The following KRT77 variants were observed in gnomAD, a reference collection of about 807,000 sequenced individuals.
KRT77 encodes keratin, type II cytoskeletal 1b.
A neutral mutation model predicts 51.5 loss-of-function variants in KRT77; 44 were observed. That is an observed-to-expected ratio of 0.85 (90% CI 0.67 to 1.10). The LOEUF is 1.10. Ranked by LOEUF, KRT77 falls within the 50% of genes least tolerant of loss-of-function variation. The pLI is 0.00. For synonymous variants in KRT77, 293 were observed against 302.0 expected, an observed-to-expected ratio of 0.97 and a Z score of 0.31; for missense variants, 763 against 743.9, an observed-to-expected ratio of 1.03 and a Z score of -0.30.
intron 2 of KRT77, 137 bp from the exon 3 acceptor site, chr12:52,696,567 G>T: frequency 1.4e-6 from 1 of 714,442 alleles, no homozygotes; most frequent in Non-Finnish European, 2.4e-6. Context: ...CAAGGTGCTG[G>T]CTGTCCATTC....
In KRT77 at chr12:52,697,615, A is replaced by G. The variant is rs953458550; in HGVS notation, c.758+67T>C. On this transcript the variant is annotated intron_variant, in intron 2 of 8. Coordinates refer to ENST00000341809, the MANE Select transcript of KRT77 (RefSeq NM_175078.3). ...CCTTACACACAAACACTGAAGCCGA[A>G]TGTCTTGCCCCTGTGACCAGTTTCC... 1.3e-5 allele frequency: 10 copies of G among 775,118 alleles called. No individual in the cohort carries two copies. The African/African-American group carries it at 1.8e-4, about 14-fold the overall frequency. The allele number at this position is 775,118 out of a possible 1,614,324, so 48.0% of individuals were successfully genotyped here. A position where few individuals can be genotyped will look rare whatever the true frequency, so the allele number is the denominator to read the frequency against.
intron 3 of KRT77, 120 bp from the exon 4 acceptor site, chr12:52,695,987 C>T: frequency 1.5e-6 from 1 of 689,462 alleles, no homozygotes; most frequent in South Asian, 1.7e-5. Flanking sequence ...TTAAAAAATT[C>T]ATCACCGCAC....
chr12:52,702,619 G>C (rs901164610), intron 1 of KRT77, among the ~76,000 whole-genome samples: 1 of 151,776 alleles, frequency 6.6e-6, no homozygotes, highest in Non-Finnish European at 1.5e-5. Context: ...GGGTGGATGG[G>C]TGGATGGAAA....
rs182027264 is a variant in KRT77, at chr12:52,697,825, T to A, written c.615A>T (p.Ser205=). The A allele has an allele frequency of 8.1e-6, 13 of 1,614,068 alleles. No homozygotes were observed. The East Asian group carries it at 2.7e-4, about 33-fold the overall frequency. ...GGGGCTCCAGGTTGTTGGTTCCAGT[T>A]GAGGTGTTCACCTGCTGCAGCAACT... ...KWELLQQVNT[S]TGTNNLEPLL... is the part of the protein sequence containing the mutation. The change falls in exon 2 of 9, where the codon TCA becomes TCT. Residue 205 remains serine (S), a synonymous_variant. Coordinates refer to ENST00000341809, the MANE Select transcript of KRT77 (RefSeq NM_175078.3).
intron 8 of KRT77, 63 bp from the exon 9 acceptor site, chr12:52,691,502 G>GT: frequency 2.7e-6 from 4 of 1,488,224 alleles, no homozygotes; most frequent in Non-Finnish European, 3.6e-6. Flanking sequence ...ACCTGCACCC[G>GT]CCCCTGCACC....
At chr12:52,692,148 T>C (rs901610863) in intron 7 of KRT77, among the ~76,000 whole-genome samples, 176 bp from the exon 8 acceptor site, 3 of 152,228 alleles carry the variant, frequency 2.0e-5, no homozygotes, top group African/African-American at 7.2e-5. Flanking sequence ...TGAAGCCTTT[T>C]AGCATTGGGG....
Position 52,694,652 on chromosome 12 carries a change from C to T in KRT77, c.1054G>A (p.Glu352Lys), listed in dbSNP as rs769008819. ...TTGGTCTGGTACAGGGCTTCGGCCT[C>T]GTCCTTGCTCCTCTGTGCAATCAGT... The part of the protein sequence containing the change: ...YELIAQRSKD[E>K]AEALYQTKYQ... The change falls in exon 5 of 9, where the codon GAG becomes AAG. Residue 352 changes from glutamate (E) to lysine (K), a missense_variant. Physicochemically the swap from Glu to Lys is moderately conservative, Grantham distance 56. Transcript: ENST00000341809. The T allele has an allele frequency of 3.1e-6, 5 of 1,609,612 alleles. No individual in the cohort carries two copies. Among genetic ancestry groups the T allele is most frequent in the Admixed American group, 1.7e-5 (1 of 59,866 alleles).
At chr12:52,702,577 T>TGTG (rs1941899871) in intron 1 of KRT77, among the ~76,000 whole-genome samples, 1 of 140,588 alleles carries the variant, frequency 7.1e-6, no homozygotes, top group Non-Finnish European at 1.5e-5. Flanking sequence ...TATAAATGGA[T>TGTG]TGTGTGGATG....
Position 52,703,112 on chromosome 12 carries a change from C to T in KRT77, c.323G>A (p.Gly108Glu). Residue 108 changes from glycine to glutamate, a missense_variant, in exon 1 of 9, where the codon GGA (glycine) becomes GAA (glutamate). Coordinates refer to ENST00000341809, the MANE Select transcript of KRT77 (RefSeq NM_175078.3). ...GVGSTGAGGF[G>E]GGGFGGAGFG... ...TCCAGCACCCCCAAAACCACCTCCT[C>T]CAAAGCCACCAGCCCCGGTGCTGCC... 1 of 1,612,674 alleles carries T rather than the reference C, an allele frequency of 6.2e-7. No homozygotes were observed.
At chr12:52,693,430 C>A in intron 5 of KRT77, 1 of 153,510 alleles carries the variant, frequency 6.5e-6, no homozygotes. Flanking sequence ...AGCATCGACT[C>A]AAGGGAATCT....
chr12:52,692,944 G>C (rs1941739282), intron 5 of KRT77, 64 bp from the exon 6 acceptor site: 3 of 1,567,158 alleles, frequency 1.9e-6, no homozygotes, highest in Non-Finnish European at 2.6e-6. Flanking sequence ...CCAGGAGGGA[G>C]TAGGTCTGGG....
At chr12:52,697,575 T>TCCCCCC in intron 2 of KRT77, 107 bp downstream of exon 2, 1 of 252,168 alleles carries the variant, frequency 4.0e-6, no homozygotes, top group South Asian at 6.4e-5. Context: ...AGAGCCTGCA[T>TCCCCCC]GCCCCGCCCC....
At chr12:52,695,343 G>C in intron 4 of KRT77, 1 of 169,566 alleles carries the variant, frequency 5.9e-6, no homozygotes, top group Admixed American at 5.7e-5. Context: ...AAGAGGGCCG[G>C]GTGGTGGAGT....
intron 1 of KRT77, chr12:52,698,277 C>T (rs1228894254): frequency 5.4e-6 from 3 of 557,452 alleles, no homozygotes; most frequent in South Asian, 1.5e-5. Context: ...GGTCAAAATG[C>T]ATTATGTGAT....
At position 52,691,149 on chromosome 12, in the gene KRT77, G is replaced by A; in HGVS notation, c.*16C>T. 1 of 1,613,994 alleles carries A rather than the reference G, an allele frequency of 6.2e-7. No homozygotes were observed. Among genetic ancestry groups the A allele is most frequent in the Non-Finnish European group, 8.5e-7 (1 of 1,179,956 alleles). The stretch of plus-strand genomic sequence containing the variant: ...GCGGTGAGGGGCAGGCGTGATGTGT[G>A]GCAGAAACGAGGCCTCTACTCCAAG... On this transcript the variant is annotated 3_prime_UTR_variant, in exon 9 of 9. Coordinates refer to ENST00000341809, the MANE Select transcript of KRT77 (RefSeq NM_175078.3).
At chr12:52,693,954 T>C in intron 5 of KRT77, among the ~76,000 whole-genome samples, 1 of 151,872 alleles carries the variant, frequency 6.6e-6, no homozygotes, top group Non-Finnish European at 1.5e-5. Context: ...GGAGAATCAC[T>C]TGGACCCAGG....
chr12:52,692,733 C>T (rs1941734143), intron 6 of KRT77, 22 bp downstream of exon 6: 1 of 1,602,754 alleles, frequency 6.2e-7, no homozygotes, highest in African/African-American at 1.3e-5. Context: ...CTTGGTCAGC[C>T]CTCCCTAAGC....
At chr12:52,694,934 C>T in intron 4 of KRT77, 144 bp from the exon 5 acceptor site, 1 of 647,884 alleles carries the variant, frequency 1.5e-6, no homozygotes, top group South Asian at 2.9e-5. Context: ...TTGTTGTGTG[C>T]AATGAGAGAT....
Position 52,698,121 on chromosome 12 carries a change from TCAC to T in KRT77, c.544-228_544-226del, listed in dbSNP as rs1217233370. The T allele has an allele frequency of 9.0e-6, 13 of 1,450,400 alleles. No homozygotes were observed. In the African/African-American group the frequency reaches 1.5e-4, roughly 17 times the overall value. The allele number at this position is 1,450,400 out of a possible 1,614,324, so 89.8% of individuals were successfully genotyped here. A position where few individuals can be genotyped will look rare whatever the true frequency, so the allele number is the denominator to read the frequency against. ...AACTTGCCTAAAATTGACACTAAGCTCACTCTGGTTTTGAAGGTAAATCACCTC... is the reference window on the plus strand; with the variant it reads ...AACTTGCCTAAAATTGACACTAAGCTTCTGGTTTTGAAGGTAAATCACCTC... On this transcript the variant is annotated intron_variant, in intron 1 of 8. Coordinates refer to ENST00000341809, the MANE Select transcript of KRT77 (RefSeq NM_175078.3).
Sources: allele counts gnomAD v4.1 joint callset (sites outside exome capture counted in the v4.1 genomes callset), GRCh38; gene constraint gnomAD v4.1.1; transcripts MANE v1.5; gene names NCBI Gene and HGNC (gene_info 2026-07-23, HGNC 2026-07-21).